Variants in HAPLN4 observed in about 807,000 individuals in gnomAD.
HAPLN4 encodes hyaluronan and proteoglycan link protein 4.
HAPLN4 carries 19 observed loss-of-function variants against 28.0 expected under a neutral mutation model. The observed-to-expected ratio is 0.68, with a 90% CI of 0.47 to 1.00. HAPLN4 has a LOEUF of 1.00. HAPLN4 is among the 50% of genes least tolerant of loss of function. The pLI, the probability that HAPLN4 is intolerant of heterozygous loss-of-function variation, is 0.00. For missense variants in HAPLN4, 587 were observed against 602.6 expected (o/e 0.97, Z 0.27); for synonymous variants, 274 against 273.0 (o/e 1.00, Z -0.03).
At position 19,261,154 on chromosome 19, in the gene HAPLN4, A is replaced by ACTAC. The variant is rs768391250; in HGVS notation, c.139_142dup (p.Val48GlyfsTer27). ...CACCTGCCCAGGCGCTGTCTGTACCACTACCGAGCCCGACTCACCCTCTGA... is the reference window on the plus strand; with the variant it reads ...CACCTGCCCAGGCGCTGTCTGTACCACTACCTACCGAGCCCGACTCACCCTCTGA... On this transcript the variant is annotated frameshift_variant, in exon 3 of 5. Transcript: ENST00000291481. LOFTEE classifies it high-confidence loss of function. The ACTAC allele has an allele frequency of 1.9e-6, 3 of 1,601,176 alleles. No individual in the cohort carries two copies. Among genetic ancestry groups the ACTAC allele is most frequent in the Non-Finnish European group, 2.6e-6 (3 of 1,171,626 alleles).
intron 3 of HAPLN4, among the ~76,000 whole-genome samples, chr19:19,260,095 A>G (rs1317156288): frequency 6.6e-6 from 1 of 152,230 alleles, no homozygotes; most frequent in Non-Finnish European, 1.5e-5. Flanking sequence ...GAGCAGAAGG[A>G]TGGTTCCTGA....
chr19:19,262,654 T>C (rs1015458579), intron 1 of HAPLN4, 76 bp downstream of exon 1: 1 of 1,514,932 alleles, frequency 6.6e-7, no homozygotes, highest in Non-Finnish European at 9.1e-7. Context: ...GGGATATAGA[T>C]TCAGAGGCAG....
At position 19,257,730 on chromosome 19, in the gene HAPLN4, A is replaced by G; in HGVS notation, c.*87T>C. 1 of 1,344,626 alleles carries G rather than the reference A, an allele frequency of 7.4e-7. No homozygotes were observed. The highest frequency in any genetic ancestry group is 9.5e-7 in the Non-Finnish European group (1 of 1,048,568). 83.3% of individuals were successfully genotyped at this position (1,344,626 alleles called of 1,614,324 possible). On this transcript the variant is annotated 3_prime_UTR_variant, in exon 5 of 5. Coordinates refer to ENST00000291481, the MANE Select transcript of HAPLN4 (RefSeq NM_023002.3). ...ACCACAGGGAATGTGGCCAGTGTCC[A>G]GGGCTTCAAGGGCGTGGCCAGGCTC...
chr19:19,257,918 G>A lies in HAPLN4; in HGVS notation c.1108C>T (p.Pro370Ser). 1 of 1,505,430 alleles carries A rather than the reference G, an allele frequency of 6.6e-7. No homozygotes were observed. The highest frequency in any genetic ancestry group is 8.8e-7 in the Non-Finnish European group (1 of 1,134,024). 93.3% of individuals were successfully genotyped at this position (1,505,430 alleles called of 1,614,324 possible). The part of the protein sequence containing the change: ...GVYCYRAPGA[P>S]DPAPGGWGWG... The stretch of plus-strand genomic sequence containing the variant: ...CCCCAGCCGCCAGGTGCCGGGTCCG[G>A]TGCTCCTGGAGCGCGGTAGCAGTAG... Residue 370 changes from proline (P) to serine (S), a missense_variant, in exon 5 of 5, where the codon CCG becomes TCG. Physicochemically the swap from Pro to Ser is moderately conservative, Grantham distance 74 (BLOSUM62 -1). Coordinates refer to ENST00000291481, the MANE Select transcript of HAPLN4 (RefSeq NM_023002.3).
Position 19,258,108 on chromosome 19 carries a change from C to G in HAPLN4, c.918G>C (p.Leu306=). 1 of 1,551,090 alleles carries G rather than the reference C, an allele frequency of 6.4e-7. No individual in the cohort carries two copies. The highest frequency in any genetic ancestry group is 8.7e-7 in the Non-Finnish European group (1 of 1,155,268). The change falls in exon 5 of 5, where the codon CTG becomes CTC. Residue 306 remains leucine (L), a synonymous_variant. Transcript: ENST00000291481. The surrounding 1 kb of genome is among the most constrained non-coding windows in gnomAD (Gnocchi z 6.2). ...RGAAVAKVGQ[L]FAAWKLQLLD... The stretch of plus-strand genomic sequence containing the variant: ...GCAGCTGCAGCTTCCACGCGGCGAA[C>G]AGCTGCCCCACCTTGGCCACGGCCG...
chr19:19,258,499 A>G lies in HAPLN4; in HGVS notation c.817+24T>C, dbSNP rs1407665706. 3 of 1,605,014 alleles carry G rather than the reference A, an allele frequency of 1.9e-6. No homozygotes were observed. Among genetic ancestry groups the G allele is most frequent in the South Asian group, 1.1e-5 (1 of 90,914 alleles). The stretch of plus-strand genomic sequence containing the variant: ...TTGGGGTAGTGTTGCAGCAGAGGCC[A>G]GTCTTGGGGTGAGGCCTACGCACCC... On this transcript the variant is annotated intron_variant, in intron 4 of 4. Transcript: ENST00000291481. This position sits in a 1 kb window ranked among gnomAD's most constrained non-coding sequence, Gnocchi z 6.2.
Position 19,258,249 on chromosome 19 carries a change from C to A in HAPLN4, c.818-41G>T. The A allele has an allele frequency of 6.9e-7, 1 of 1,445,854 alleles. No individual in the cohort carries two copies. Among genetic ancestry groups the A allele is most frequent in the Non-Finnish European group, 9.1e-7 (1 of 1,098,258 alleles). The allele number at this position is 1,445,854 out of a possible 1,614,324, so 89.6% of individuals were successfully genotyped here. On this transcript the variant is annotated intron_variant, in intron 4 of 4. Coordinates refer to ENST00000291481, the MANE Select transcript of HAPLN4 (RefSeq NM_023002.3). The surrounding 1 kb of genome is among the most constrained non-coding windows in gnomAD (Gnocchi z 6.2). ...GGGGGGTGGGTTATTAGTGCGGCTC[C>A]TGGGACCCTGCTTCGGTGGGATTCA...
rs1386277791 is a variant in HAPLN4, at chr19:19,255,689, T to C, written c.*2128A>G. On this transcript the variant is annotated 3_prime_UTR_variant, in exon 5 of 5. Transcript: ENST00000291481. ...AAGGATTTATTGAGCCCCTACTGTA[T>C]GCTTGGCACTCACGGGGACCACAGA... The C allele has an allele frequency of 6.6e-6, 1 of 152,266 alleles. No individual in the cohort carries two copies. The highest frequency in any genetic ancestry group is 1.5e-5 in the Non-Finnish European group (1 of 68,064). 9.4% of individuals were successfully genotyped at this position (152,266 alleles called of 1,614,324 possible). A position where few individuals can be genotyped will look rare whatever the true frequency, so the allele number is the denominator to read the frequency against.
chr19:19,260,930 G>T lies in HAPLN4; in HGVS notation c.367C>A (p.Pro123Thr), dbSNP rs758545302. The change falls in exon 3 of 5, where the codon CCT (proline) becomes ACT (threonine). Residue 123 changes from proline (P) to threonine (T), a missense_variant. By Grantham distance (38) the Pro-to-Thr change is conservative. Transcript: ENST00000291481. Reference sequence around the variant, plus strand: ...CGGAGGACCAGGGAGGCATCCCCAGGCCCGTCGCCCTGCAGCTCAGCCCGC... The same window carrying T: ...CGGAGGACCAGGGAGGCATCCCCAGTCCCGTCGCCCTGCAGCTCAGCCCGC... ...RGRAELQGDG[P>T]GDASLVLRNV... is the part of the protein sequence containing the mutation. 9 of 1,613,862 alleles carry T rather than the reference G, an allele frequency of 5.6e-6. No homozygotes were observed. The highest frequency in any genetic ancestry group is 7.6e-6 in the Non-Finnish European group (9 of 1,180,026).
At chr19:19,262,693 CG>C in intron 1 of HAPLN4, 36 bp downstream of exon 1, 2 of 1,610,266 alleles carry the variant, frequency 1.2e-6, no homozygotes, top group Non-Finnish European at 1.7e-6. Context: ...ATTGGGGAGA[CG>C]GGGCACACAC....
intron 1 of HAPLN4, among the ~76,000 whole-genome samples, chr19:19,261,962 G>C (rs189611222): frequency 1.3e-4 from 20 of 152,284 alleles, no homozygotes; most frequent in East Asian, 9.6e-4. Flanking sequence ...GGGCAGGGAG[G>C]GGGGAGAGCT....
chr19:19,261,090 G>T lies in HAPLN4; in HGVS notation c.207C>A (p.Arg69=). ...CGTGGGCGGCTGCCTCATAGTGGTA[G>T]CGGCAGGGCAAGACGATGGTGCCAC... The part of the protein sequence containing the change: ...HRGGTIVLPC[R]YHYEAAAHGH... The change falls in exon 3 of 5, where the codon CGC becomes CGA. Residue 69 remains arginine (R), a synonymous_variant. Coordinates refer to ENST00000291481, the MANE Select transcript of HAPLN4 (RefSeq NM_023002.3). 1 of 1,612,174 alleles carries T rather than the reference G, an allele frequency of 6.2e-7. No homozygotes were observed. Among genetic ancestry groups the T allele is most frequent in the Non-Finnish European group, 8.5e-7 (1 of 1,179,734 alleles).
In HAPLN4 at chr19:19,260,965, C is replaced by G; in HGVS notation, c.332G>C (p.Ser111Thr). ...ALGPQHRAFG[S>T]YRGRAELQGD... ...CTGCAGCTCAGCCCGCCCACGGTAG[C>G]TGCCGAATGCCCGGTGCTGGGGGCC... Residue 111 changes from serine to threonine, a missense_variant, in exon 3 of 5, where the codon AGC (serine) becomes ACC (threonine). By Grantham distance (58) the Ser-to-Thr change is moderately conservative. Coordinates refer to ENST00000291481, the MANE Select transcript of HAPLN4 (RefSeq NM_023002.3). 1.9e-6 allele frequency: 3 copies of G among 1,613,804 alleles called. No individual in the cohort carries two copies.
intron 1 of HAPLN4, among the ~76,000 whole-genome samples, chr19:19,261,910 G>A (rs184677156): frequency 2.6e-5 from 4 of 152,048 alleles, no homozygotes; most frequent in Admixed American, 1.3e-4. Context: ...CGGCAGCAAG[G>A]TTATCCGTGC....
At position 19,254,806 on chromosome 19, in the gene HAPLN4, A is replaced by C. The variant is rs1392208031; in HGVS notation, c.*3011T>G. 2 of 152,362 alleles carry C rather than the reference A, an allele frequency of 1.3e-5. No homozygotes were observed. Among genetic ancestry groups the C allele is most frequent in the Non-Finnish European group, 2.9e-5 (2 of 68,140 alleles). The allele number at this position is 152,362 out of a possible 1,614,324, so 9.4% of individuals were successfully genotyped here. On this transcript the variant is annotated 3_prime_UTR_variant, in exon 5 of 5. Coordinates refer to ENST00000291481, the MANE Select transcript of HAPLN4 (RefSeq NM_023002.3). Reference sequence around the variant, plus strand: ...GAGACAGGGTCTCACTCCGTCGCCCAAGCTGGAGTGCAGTGGTACAATCAT... The same window carrying C: ...GAGACAGGGTCTCACTCCGTCGCCCCAGCTGGAGTGCAGTGGTACAATCAT...
intron 2 of HAPLN4, 63 bp from the exon 3 acceptor site, chr19:19,261,238 G>A (rs1283852443): frequency 1.3e-6 from 2 of 1,522,014 alleles, no homozygotes; most frequent in African/African-American, 2.7e-5. Flanking sequence ...CTCTGGGGAA[G>A]GTGTCTCTGG....
rs1048561727 is a variant in HAPLN4 at position 19,257,325 on chromosome 19, G to A, written c.*492C>T. ...CCTGAAGTTCCTGTAGTCTCTCCAGGTGAGGAGGAGGGGGAGGAGGAGGCG... is the reference window on the plus strand; with the variant it reads ...CCTGAAGTTCCTGTAGTCTCTCCAGATGAGGAGGAGGGGGAGGAGGAGGCG... On this transcript the variant is annotated 3_prime_UTR_variant, in exon 5 of 5. Coordinates refer to ENST00000291481, the MANE Select transcript of HAPLN4 (RefSeq NM_023002.3). 11 of 154,224 alleles carry A rather than the reference G, an allele frequency of 7.1e-5. No homozygotes were observed. The highest frequency in any genetic ancestry group is 2.6e-4 in the African/African-American group (11 of 41,518). 9.6% of individuals were successfully genotyped at this position (154,224 alleles called of 1,614,324 possible).
Position 19,258,129 on chromosome 19 carries a change from GGC to G in HAPLN4, c.895_896del (p.Ala299ArgfsTer108). 1 of 1,550,732 alleles carries G rather than the reference GGC, an allele frequency of 6.4e-7. No individual in the cohort carries two copies. The highest frequency in any genetic ancestry group is 8.7e-7 in the Non-Finnish European group (1 of 1,155,144). On this transcript the variant is annotated frameshift_variant, in exon 5 of 5. Transcript: ENST00000291481. LOFTEE classifies it low-confidence loss of function (END_TRUNC). The surrounding 1 kb of genome is among the most constrained non-coding windows in gnomAD (Gnocchi z 6.2). ...CGAACAGCTGCCCCACCTTGGCCACGGCCGCGCCACGCGCAGCACACGCGCGC... is the reference window on the plus strand; with the variant it reads ...CGAACAGCTGCCCCACCTTGGCCACGCGCGCCACGCGCAGCACACGCGCGC... ...AARACAARGA[A>X]VAKVGQLFAA...
chr19:19,261,238 G>T, intron 2 of HAPLN4, 63 bp from the exon 3 acceptor site: 1 of 1,522,132 alleles, frequency 6.6e-7, no homozygotes, highest in Non-Finnish European at 8.9e-7. Context: ...CTCTGGGGAA[G>T]GTGTCTCTGG....
Sources: gnomAD v4.1 joint callset for allele counts (sites outside exome capture counted in the v4.1 genomes callset) on GRCh38, gnomAD v4.1.1 for gene constraint, Gnocchi (gnomAD v3.1) non-coding constraint, MANE v1.5 for transcripts, NCBI Gene and HGNC (gene_info 2026-07-23, HGNC 2026-07-21) for gene names.